GPC6: variants seen among roughly 807,000 people sequenced by gnomAD.
GPC6 encodes glypican-6.
GPC6 carries 14 observed loss-of-function variants against 55.2 expected under a neutral mutation model. That is an observed-to-expected ratio of 0.25 (90% confidence interval 0.17 to 0.40). The LOEUF (loss-of-function observed/expected upper bound fraction) is 0.40, where lower values mean the gene tolerates loss of function less well. Ranked by LOEUF, GPC6 falls within the 10% of genes least tolerant of loss-of-function variation. The pLI is 1.00. For synonymous variants in GPC6, 278 were observed against 259.6 expected (o/e 1.07, Z -0.68); for missense variants, 641 against 708.5 (o/e 0.90, Z 1.08).
intron 6 of GPC6, among the ~76,000 whole-genome samples, chr13:94,370,351 C>T (rs1879483797): frequency 1.3e-5 from 2 of 152,164 alleles, no homozygotes; most frequent in African/African-American, 4.8e-5. Flanking sequence ...AATATGTGCT[C>T]CCATAGCCCT....
At chr13:94,334,469 A>C (rs1877582636) in intron 6 of GPC6, among the ~76,000 whole-genome samples, 1 of 152,204 alleles carries the variant, frequency 6.6e-6, no homozygotes, top group Non-Finnish European at 1.5e-5. Context: ...GCATGCCATG[A>C]AATTCTAGTG....
At chr13:94,178,858 C>T (rs1281805859) in intron 4 of GPC6, among the ~76,000 whole-genome samples, 1 of 152,134 alleles carries the variant, frequency 6.6e-6, no homozygotes, top group Non-Finnish European at 1.5e-5. Flanking sequence ...TGAATCTAAA[C>T]GGTTGGATGT....
chr13:93,926,076 A>G (rs1364776293), intron 3 of GPC6, among the ~76,000 whole-genome samples: 1 of 152,202 alleles, frequency 6.6e-6, no homozygotes, highest in African/African-American at 2.4e-5. Context: ...GCCAGCAAGC[A>G]TTCCAATAGA....
At chr13:93,965,102 G>GTTTTTT (rs199810123) in intron 3 of GPC6, among the ~76,000 whole-genome samples, 5 of 113,336 alleles carry the variant, frequency 4.4e-5, no homozygotes, top group East Asian at 3.3e-4. Flanking sequence ...AACACTATGA[G>GTTTTTT]TTTGTTTTTT....
chr13:94,386,376 A>G (rs887535271), intron 7 of GPC6, among the ~76,000 whole-genome samples: 7 of 151,722 alleles, frequency 4.6e-5, no homozygotes, highest in Admixed American at 4.6e-4. Context: ...AAAAAAAGAA[A>G]AGAAAAGAAA....
intron 2 of GPC6, among the ~76,000 whole-genome samples, chr13:93,585,901 C>T (rs1877176159): frequency 6.6e-6 from 1 of 152,080 alleles, no homozygotes; most frequent in Non-Finnish European, 1.5e-5. Flanking sequence ...AATCTTAGAG[C>T]AGGCACTGTC....
intron 3 of GPC6, among the ~76,000 whole-genome samples, chr13:93,896,318 T>A (rs1876009235): frequency 6.6e-6 from 1 of 152,030 alleles, no homozygotes; most frequent in South Asian, 2.1e-4. Context: ...GTTTAAGCCG[T>A]ACAGACGTTT....
intron 5 of GPC6, among the ~76,000 whole-genome samples, chr13:94,294,497 C>T (rs946721982): frequency 1.3e-5 from 2 of 150,158 alleles, no homozygotes; most frequent in African/African-American, 4.9e-5. Flanking sequence ...ACTTCTGTCT[C>T]TAGCTATTGG....
intron 3 of GPC6, among the ~76,000 whole-genome samples, chr13:93,983,503 A>G (rs1880896536): frequency 6.6e-6 from 1 of 151,916 alleles, no homozygotes; most frequent in Admixed American, 6.6e-5. Context: ...TGGTGCTGTC[A>G]CAGCTCACTG....
chr13:94,111,365 T>C (rs1263426790), intron 4 of GPC6, among the ~76,000 whole-genome samples: 1 of 151,812 alleles, frequency 6.6e-6, no homozygotes, highest in Non-Finnish European at 1.5e-5. Context: ...CAAGCAAGGC[T>C]TAAAACCTAG....
chr13:93,746,003 G>A (rs1359980597), intron 2 of GPC6, among the ~76,000 whole-genome samples: 3 of 152,156 alleles, frequency 2.0e-5, no homozygotes, highest in Non-Finnish European at 4.4e-5. Context: ...TTTTCATGAA[G>A]AAAAGAGCTA....
At chr13:93,765,251 T>TCCAGATAAGCTGTCTGGAAAGACAACTTA (rs1885082645) in intron 2 of GPC6, among the ~76,000 whole-genome samples, 1 of 78,356 alleles carries the variant, frequency 1.3e-5, no homozygotes, top group Non-Finnish European at 3.7e-5. Context: ...AAGACAACTT[T>TCCAGATAAGCTGTCTGGAAAGACAACTTA]CCAGATAAGC....
In GPC6 at chr13:94,405,756, G is replaced by C. The variant is rs926528377; in HGVS notation, c.*2539G>C. On this transcript the variant is annotated 3_prime_UTR_variant, in exon 9 of 9. Transcript: ENST00000377047. ...AGTGATGCATAATGAGCCAGGCAGA[G>C]AGCTGAAATGATATCAGTTAATGAT... 2.0e-5 allele frequency: 3 copies of C among 152,110 alleles called. No individual in the cohort carries two copies. Among genetic ancestry groups the C allele is most frequent in the African/African-American group, 7.2e-5 (3 of 41,426 alleles). 9.4% of individuals were successfully genotyped at this position (152,110 alleles called of 1,614,324 possible).
chr13:94,303,267 C>T (rs962504088), intron 5 of GPC6, among the ~76,000 whole-genome samples: 62 of 152,342 alleles, frequency 4.1e-4, no homozygotes, highest in African/African-American at 1.4e-3. Context: ...GTCCCTCCCC[C>T]TGTGCTCTTA....
intron 1 of GPC6, among the ~76,000 whole-genome samples, chr13:93,301,708 T>A (rs1878687686): frequency 6.6e-6 from 1 of 152,092 alleles, no homozygotes; most frequent in African/African-American, 2.4e-5. Flanking sequence ...AGCTTGGGGG[T>A]AACTGGGAGG....
At position 94,405,029 on chromosome 13, in the gene GPC6, G is replaced by T. The variant is rs1881310758; in HGVS notation, c.*1812G>T. The T allele has an allele frequency of 1.3e-5, 2 of 152,104 alleles. No homozygotes were observed. The allele number at this position is 152,104 out of a possible 1,614,324, so 9.4% of individuals were successfully genotyped here. ...TCATCGACAGTATTGACACGTAAAT[G>T]GTATTTTTCAATCTGTTCTCATCAA... On this transcript the variant is annotated 3_prime_UTR_variant, in exon 9 of 9. Transcript: ENST00000377047.
chr13:93,887,160 A>T (rs1427834674), intron 3 of GPC6, among the ~76,000 whole-genome samples: 1 of 152,086 alleles, frequency 6.6e-6, no homozygotes, highest in East Asian at 1.9e-4. Flanking sequence ...ATAATCTGAA[A>T]TTTATTTAGT....
chr13:93,830,213 ACC>A lies in GPC6; in HGVS notation c.380_381del (p.Thr127IlefsTer27). 1.2e-6 allele frequency: 2 copies of A among 1,608,484 alleles called. No individual in the cohort carries two copies. Among genetic ancestry groups the A allele is most frequent in the Non-Finnish European group, 1.7e-6 (2 of 1,176,072 alleles). Reference protein sequence around the residue: ...EKSLNDMFVRTYGMLYMQNSE... With the variant: ...EKSLNDMFVRXYGMLYMQNSE... Reference sequence around the variant, plus strand: ...GTCACTAAATGATATGTTTGTACGGACCTATGGCATGCTGTACATGCAGAATT... The same window carrying A: ...GTCACTAAATGATATGTTTGTACGGATATGGCATGCTGTACATGCAGAATT... On this transcript the variant is annotated frameshift_variant, in exon 3 of 9. Transcript: ENST00000377047. LOFTEE classifies it high-confidence loss of function.
At chr13:93,313,341 AC>A (rs1879137958) in intron 1 of GPC6, among the ~76,000 whole-genome samples, 1 of 152,138 alleles carries the variant, frequency 6.6e-6, no homozygotes, top group Non-Finnish European at 1.5e-5. Context: ...TGAATGGCAA[AC>A]AACTAAGCAA....
Sources: allele counts gnomAD v4.1 joint callset (sites outside exome capture counted in the v4.1 genomes callset), GRCh38; gene constraint gnomAD v4.1.1; transcripts MANE v1.5; gene names NCBI Gene and HGNC (gene_info 2026-07-23, HGNC 2026-07-21).